NAA25: variants seen among roughly 807,000 people sequenced by gnomAD.
NAA25 encodes N-alpha-acetyltransferase 25, NatB auxiliary subunit, also known as N-terminal acetyltransferase B complex subunit NAA25.
In NAA25, 30 loss-of-function variants were observed where a neutral mutation model predicts 132.5. The ratio of observed to expected loss-of-function variants is 0.23; its 90% CI spans 0.17 to 0.31. NAA25 has a LOEUF of 0.31. Ranked by LOEUF, NAA25 falls within the 10% of genes least tolerant of loss-of-function variation. The probability of loss-of-function intolerance (pLI) is 1.00; values close to 1 mark genes in which losing one functional copy is unlikely to be tolerated. For missense variants in NAA25, 771 were observed against 1,150.4 expected, an observed-to-expected ratio of 0.67 and a Z score of 4.77; for synonymous variants, 359 against 401.9, an observed-to-expected ratio of 0.89 and a Z score of 1.28.
chr12:112,068,793 C>T (rs1320427144), intron 11 of NAA25, 87 bp downstream of exon 11: 7 of 720,382 alleles, frequency 9.7e-6, no homozygotes, highest in Non-Finnish European at 1.7e-5. Flanking sequence ...CAATTCCGCA[C>T]ATTTTAGAAA....
At position 112,090,742 on chromosome 12, in the gene NAA25, G is replaced by A; in HGVS notation, c.267C>T (p.Tyr89=). ...DNSLQALTIL[Y]REMHRPELVT... ...GAAACATACGTCGGTGCATCTCCCGGTAAAGGATAGTCAGTGCCTGCAGTG... is the reference window on the plus strand; with the variant it reads ...GAAACATACGTCGGTGCATCTCCCGATAAAGGATAGTCAGTGCCTGCAGTG... Residue 89 remains tyrosine, a synonymous_variant, in exon 3 of 24, where the codon TAC becomes TAT. Transcript: ENST00000261745. The A allele has an allele frequency of 1.2e-6, 2 of 1,612,602 alleles. No homozygotes were observed. The highest frequency in any genetic ancestry group is 2.2e-5 in the East Asian group (1 of 44,840).
chr12:112,030,153 T>C (rs2078129923), intron 23 of NAA25, among the ~76,000 whole-genome samples: 1 of 129,524 alleles, frequency 7.7e-6, no homozygotes, highest in Non-Finnish European at 1.5e-5. Flanking sequence ...GTAGAGGTAG[T>C]AGTGAGCTGA....
At chr12:112,052,388 G>A (rs1423071833) in intron 15 of NAA25, among the ~76,000 whole-genome samples, 1 of 152,070 alleles carries the variant, frequency 6.6e-6, no homozygotes, top group African/African-American at 2.4e-5. Context: ...GGTCTGAACG[G>A]AGATACCAAT....
chr12:112,029,971 G>C (rs1489249099), intron 23 of NAA25, among the ~76,000 whole-genome samples: 2 of 152,086 alleles, frequency 1.3e-5, no homozygotes, highest in Admixed American at 1.3e-4. Flanking sequence ...CCAACACTTT[G>C]GGATGCCCAG....
chr12:112,060,830 C>T (rs2078616710), intron 12 of NAA25, among the ~76,000 whole-genome samples: 1 of 152,130 alleles, frequency 6.6e-6, no homozygotes, highest in African/African-American at 2.4e-5. Context: ...ATTTATCTTA[C>T]AATTTACAAT....
chr12:112,051,141 GA>G (rs2078459317), intron 15 of NAA25, among the ~76,000 whole-genome samples: 1 of 152,090 alleles, frequency 6.6e-6, no homozygotes, highest in Non-Finnish European at 1.5e-5. Context: ...ATTTCTTTAG[GA>G]AACAGTTCAC....
chr12:112,088,911 C>T (rs577895492), intron 3 of NAA25, among the ~76,000 whole-genome samples: 42 of 152,168 alleles, frequency 2.8e-4, no homozygotes, highest in African/African-American at 8.2e-4. Context: ...TGAGCCACTG[C>T]GCCCGGCTGA....
chr12:112,104,324 A>G (rs935537876), intron 1 of NAA25, among the ~76,000 whole-genome samples: 1 of 152,194 alleles, frequency 6.6e-6, no homozygotes, highest in African/African-American at 2.4e-5. Context: ...CATATTCTAT[A>G]CAAATTTATT....
intron 15 of NAA25, among the ~76,000 whole-genome samples, chr12:112,051,507 C>A (rs2078465220): frequency 6.6e-6 from 1 of 152,182 alleles, no homozygotes; most frequent in Admixed American, 6.6e-5. Context: ...CTGTGCCCAG[C>A]CTGTACTGTA....
intron 1 of NAA25, among the ~76,000 whole-genome samples, chr12:112,107,590 T>C (rs1379197226): frequency 6.6e-6 from 1 of 151,748 alleles, no homozygotes; most frequent in Non-Finnish European, 1.5e-5. Flanking sequence ...ATCACACAAA[T>C]TATGAAATAA....
intron 2 of NAA25, among the ~76,000 whole-genome samples, 176 bp downstream of exon 2, chr12:112,092,875 A>C (rs1402054012): frequency 1.3e-5 from 2 of 152,014 alleles, no homozygotes; most frequent in Non-Finnish European, 2.9e-5. Context: ...ACAGGGTTTC[A>C]CCATGTTGGT....
At chr12:112,088,405 C>T (rs1408387992) in intron 3 of NAA25, among the ~76,000 whole-genome samples, 1 of 143,718 alleles carries the variant, frequency 7.0e-6, no homozygotes, top group Non-Finnish European at 1.5e-5. Flanking sequence ...CGGCTCACTG[C>T]AGCCTCGACC....
At chr12:112,102,860 G>A (rs959067345) in intron 1 of NAA25, among the ~76,000 whole-genome samples, 7 of 151,664 alleles carry the variant, frequency 4.6e-5, no homozygotes, top group South Asian at 4.2e-4. Flanking sequence ...CTAATTTTTC[G>A]TATATTTTTA....
chr12:112,058,929 G>C (rs898290838), intron 13 of NAA25, among the ~76,000 whole-genome samples: 4 of 151,652 alleles, frequency 2.6e-5, no homozygotes, highest in African/African-American at 4.8e-5. Flanking sequence ...ATGGTGGCGG[G>C]CACCTGTAGT....
At chr12:112,086,400 G>C (rs1317202978) in intron 4 of NAA25, among the ~76,000 whole-genome samples, 1 of 151,794 alleles carries the variant, frequency 6.6e-6, no homozygotes, top group Non-Finnish European at 1.5e-5. Context: ...GGAGGCTGAG[G>C]CAGGAGAATC....
At chr12:112,076,698 A>T (rs1430091876) in intron 7 of NAA25, among the ~76,000 whole-genome samples, 2 of 143,036 alleles carry the variant, frequency 1.4e-5, no homozygotes, top group Non-Finnish European at 3.1e-5. Flanking sequence ...AATGTAGTTT[A>T]AAAAAAAAAA....
At chr12:112,069,886 G>C (rs1742992431) in intron 10 of NAA25, among the ~76,000 whole-genome samples, 1 of 151,992 alleles carries the variant, frequency 6.6e-6, no homozygotes, top group Non-Finnish European at 1.5e-5. Context: ...CCAGCACTTC[G>C]GGAGGCCAAG....
intron 13 of NAA25, among the ~76,000 whole-genome samples, chr12:112,057,572 T>C (rs1315911847): frequency 6.6e-6 from 1 of 152,170 alleles, no homozygotes; most frequent in African/African-American, 2.4e-5. Flanking sequence ...GAAGTATTAC[T>C]GGCCAGGTGC....
chr12:112,043,967 G>A lies in NAA25; in HGVS notation c.2007-99C>T, dbSNP rs562753730. ...TTTTGAGACAGAGTCTTGATCTGTC[G>A]CCCAGGCTGGAGTGCAGTGGCACTA... On this transcript the variant is annotated intron_variant, in intron 17 of 23. Coordinates refer to ENST00000261745, the MANE Select transcript of NAA25 (RefSeq NM_024953.4). 8.1e-3 allele frequency: 10,173 copies of A among 1,259,518 alleles called. 50 individuals are homozygous for A. The highest frequency in any genetic ancestry group is 9.6e-3 in the Non-Finnish European group (8,908 of 923,130). 78.0% of individuals were successfully genotyped at this position (1,259,518 alleles called of 1,614,324 possible).
Sources: allele counts gnomAD v4.1 joint callset (sites outside exome capture counted in the v4.1 genomes callset), GRCh38; gene constraint gnomAD v4.1.1; transcripts MANE v1.5; gene names NCBI Gene and HGNC (gene_info 2026-07-23, HGNC 2026-07-21).